The following ZNF248 variants were observed in gnomAD, a reference collection of about 807,000 sequenced individuals.
The protein encoded by ZNF248 is zinc finger protein 248.
ZNF248 carries 20 observed loss-of-function variants against 44.3 expected under a neutral mutation model. The observed-to-expected ratio is 0.45, with a 90% CI of 0.32 to 0.66. ZNF248 has a LOEUF of 0.66. Among genes scored for constraint, ZNF248 ranks in the 30% least tolerant of loss-of-function variants. The pLI is 0.04. For synonymous variants in ZNF248, 224 were observed against 229.0 expected (o/e 0.98, Z 0.20); for missense variants, 654 against 677.0 (o/e 0.97, Z 0.38).
At chr10:37,840,471 A>G (rs1157461360) in intron 3 of ZNF248, among the ~76,000 whole-genome samples, 1 of 152,232 alleles carries the variant, frequency 6.6e-6, no homozygotes, top group East Asian at 1.9e-4. Flanking sequence ...ATGAGATACC[A>G]TAATATTTAT....
intron 3 of ZNF248, among the ~76,000 whole-genome samples, chr10:37,854,003 G>A (rs1453345759): frequency 3.3e-5 from 5 of 152,234 alleles, no homozygotes; most frequent in Admixed American, 6.5e-5. Flanking sequence ...CAGAACACAA[G>A]GAGAAGAAAG....
At chr10:37,833,376 G>T (rs1589657925) in intron 5 of ZNF248, among the ~76,000 whole-genome samples, 2 of 152,118 alleles carry the variant, frequency 1.3e-5, no homozygotes, top group South Asian at 2.1e-4. Context: ...AAACTGAAAA[G>T]AAAAGGTGAA....
chr10:37,856,731 T>C (rs537947888), intron 1 of ZNF248, 199 bp from the exon 2 acceptor site: 5 of 988,572 alleles, frequency 5.1e-6, no homozygotes, highest in Non-Finnish European at 4.8e-6. Flanking sequence ...AAAAAAGGGA[T>C]AGGATGTTAA....
At chr10:37,770,133 C>A in the ZNF248 span, among the ~76,000 whole-genome samples, 1 of 152,116 alleles carries the variant, frequency 6.6e-6, no homozygotes, top group African/African-American at 2.4e-5. Context: ...AGGATACAAA[C>A]AAATGGAGGA....
In ZNF248 at chr10:37,838,046, A is replaced by G; in HGVS notation, c.81T>C (p.Pro27=). Residue 27 remains proline, a synonymous_variant, in exon 4 of 6, where the codon CCT becomes CCC. Transcript: ENST00000395867. ...FTQEEWYLLD[P]AQKILYRDVI... ...CATCTCTGTATAGAATCTTCTGAGC[A>G]GGGTCCAGCAGATACCACTCTTCCT... 1 of 1,613,734 alleles carries G rather than the reference A, an allele frequency of 6.2e-7. No homozygotes were observed. Among genetic ancestry groups the G allele is most frequent in the Non-Finnish European group, 8.5e-7 (1 of 1,179,660 alleles).
At position 37,832,480 on chromosome 10, in the gene ZNF248, G is replaced by T; in HGVS notation, c.875C>A (p.Thr292Lys). The T allele has an allele frequency of 1.2e-6, 2 of 1,613,900 alleles. No individual in the cohort carries two copies. Among genetic ancestry groups the T allele is most frequent in the South Asian group, 1.1e-5 (1 of 91,070 alleles). Residue 292 changes from threonine to lysine, a missense_variant, in exon 6 of 6, where the codon ACA becomes AAA. Coordinates refer to ENST00000395867, the MANE Select transcript of ZNF248 (RefSeq NM_021045.3). Reference sequence around the variant, plus strand: ...ATTATATTCATAAGGATTGTCCTTTGTAAGAGCTCTCTGATGTCCAAACCT... The same window carrying T: ...ATTATATTCATAAGGATTGTCCTTTTTAAGAGCTCTCTGATGTCCAAACCT... ...NLRFGHQRAL[T>K]KDNPYEYNEY...
Position 37,830,656 on chromosome 10 carries a change from TA to T in ZNF248, c.*958del. On this transcript the variant is annotated 3_prime_UTR_variant, in exon 6 of 6. Coordinates refer to ENST00000395867, the MANE Select transcript of ZNF248 (RefSeq NM_021045.3). ...TTGACAGCAGGTTCTCTGAGAAAAT[TA>T]AAACCCTGATTTATAGTTTGTCAAT... 1.0e-6 allele frequency: 1 copy of T among 961,382 alleles called. No homozygotes were observed. The highest frequency in any genetic ancestry group is 1.2e-6 in the Non-Finnish European group (1 of 808,060). 59.6% of individuals were successfully genotyped at this position (961,382 alleles called of 1,614,324 possible).
At chr10:37,817,008 G>A (rs2052589333) in intron 6 of ZNF248, among the ~76,000 whole-genome samples, 1 of 152,140 alleles carries the variant, frequency 6.6e-6, no homozygotes, top group African/African-American at 2.4e-5. Flanking sequence ...TGGGGTCTGG[G>A]TGGAAGGGAG....
chr10:37,767,082 T>A, the ZNF248 span, among the ~76,000 whole-genome samples: 1 of 151,888 alleles, frequency 6.6e-6, no homozygotes, highest in East Asian at 1.9e-4. Context: ...AAAAAAAGAA[T>A]AAAAAGAAAC....
chr10:37,829,666 ACT>A lies in ZNF248; in HGVS notation c.*1947_*1948del, dbSNP rs2055095695. The stretch of plus-strand genomic sequence containing the variant: ...TGAGCTGGCTTTTCCCACCTTGTGC[ACT>A]GTTATCTTCAGGCTACTGCCCTTCA... On this transcript the variant is annotated 3_prime_UTR_variant, in exon 6 of 6. Coordinates refer to ENST00000395867, the MANE Select transcript of ZNF248 (RefSeq NM_021045.3). 1.0e-6 allele frequency: 1 copy of A among 985,422 alleles called. No homozygotes were observed. The highest frequency in any genetic ancestry group is 1.7e-5 in the African/African-American group (1 of 57,354). The allele number at this position is 985,422 out of a possible 1,614,324, so 61.0% of individuals were successfully genotyped here. A position where few individuals can be genotyped will look rare whatever the true frequency, so the allele number is the denominator to read the frequency against.
intron 6 of ZNF248, among the ~76,000 whole-genome samples, chr10:37,811,912 G>A (rs530685806): frequency 4.0e-5 from 6 of 151,868 alleles, no homozygotes; most frequent in African/African-American, 1.2e-4. Flanking sequence ...TAACCAAGAC[G>A]CAGCAGACAA....
the ZNF248 span, among the ~76,000 whole-genome samples, chr10:37,759,484 C>CAGGGGATG: frequency 1.6e-4 from 25 of 152,308 alleles, no homozygotes; most frequent in African/African-American, 6.0e-4. Context: ...GAGGCAGGAG[C>CAGGGGATG]AGGGGATGTG....
At chr10:37,805,086 TTG>T (rs2050372090) in intron 6 of ZNF248, among the ~76,000 whole-genome samples, 1 of 152,042 alleles carries the variant, frequency 6.6e-6, no homozygotes, top group East Asian at 1.9e-4. Context: ...ATAATAACAG[TTG>T]TATTTTTTGT....
At chr10:37,856,185 T>G in intron 3 of ZNF248, 111 bp downstream of exon 3, 2 of 1,253,720 alleles carry the variant, frequency 1.6e-6, no homozygotes, top group South Asian at 3.0e-5. Flanking sequence ...TTTATTTCCC[T>G]TAATGTCAAT....
chr10:37,847,130 G>A, intron 3 of ZNF248, among the ~76,000 whole-genome samples: 1 of 152,026 alleles, frequency 6.6e-6, no homozygotes, highest in East Asian at 1.9e-4. Context: ...CCACTTCCTG[G>A]GATCAACTGA....
chr10:37,767,189 G>C, the ZNF248 span, among the ~76,000 whole-genome samples: 1 of 152,136 alleles, frequency 6.6e-6, no homozygotes, highest in Non-Finnish European at 1.5e-5. Flanking sequence ...AACCAAGTTG[G>C]AACACACTCT....
chr10:37,832,464 A>G lies in ZNF248; in HGVS notation c.891T>C (p.Tyr297=), dbSNP rs754373123. 4 of 1,614,002 alleles carry G rather than the reference A, an allele frequency of 2.5e-6. No homozygotes were observed. In the South Asian group the frequency reaches 3.3e-5, roughly 13 times the overall value. Residue 297 remains tyrosine, a synonymous_variant, in exon 6 of 6, where the codon TAT becomes TAC. Transcript: ENST00000395867. The part of the protein sequence containing the change: ...HQRALTKDNP[Y]EYNEYGEIFC... ...AGATTTCCCCATATTCATTATATTC[A>G]TAAGGATTGTCCTTTGTAAGAGCTC...
downstream of ZNF248, among the ~76,000 whole-genome samples, chr10:37,824,513 T>C (rs2054024414): frequency 6.6e-6 from 1 of 152,206 alleles, no homozygotes; most frequent in South Asian, 2.1e-4. Context: ...GTTCTCTCTG[T>C]AGATCACATG....
chr10:37,828,658 AG>A, downstream of ZNF248: 1 of 984,332 alleles, frequency 1.0e-6, no homozygotes, highest in Non-Finnish European at 1.2e-6. Flanking sequence ...AGAAGAATGC[AG>A]AAAAGTTGCA....
Sources: allele counts gnomAD v4.1 joint callset (sites outside exome capture counted in the v4.1 genomes callset), GRCh38; gene constraint gnomAD v4.1.1; transcripts MANE v1.5; gene names NCBI Gene and HGNC (gene_info 2026-07-23, HGNC 2026-07-21).